Variants in TMEM181 observed in about 807,000 individuals in gnomAD.
TMEM181 encodes G protein-coupled receptor 178.
TMEM181 carries 39 observed loss-of-function variants against 71.9 expected under a neutral mutation model. That is an observed-to-expected ratio of 0.54 (90% CI 0.42 to 0.71). TMEM181 has a LOEUF of 0.71. Among genes scored for constraint, TMEM181 ranks in the 30% least tolerant of loss-of-function variants. The probability of loss-of-function intolerance (pLI) is 0.00; values close to 1 mark genes in which losing one functional copy is unlikely to be tolerated. For synonymous variants in TMEM181, 245 were observed against 228.8 expected (o/e 1.07, Z -0.64); for missense variants, 595 against 583.0 (o/e 1.02, Z -0.21).
chr6:158,625,575 T>G (rs1013137508), intron 12 of TMEM181, 128 bp from the exon 13 acceptor site: 5 of 841,528 alleles, frequency 5.9e-6, no homozygotes, highest in Non-Finnish European at 9.2e-6. Flanking sequence ...TGCTGGCGAC[T>G]CCGGCTAAGT....
chr6:158,629,653 G>A, intron 14 of TMEM181, 77 bp from the exon 15 acceptor site: 1 of 1,258,838 alleles, frequency 7.9e-7, no homozygotes, highest in Non-Finnish European at 1.1e-6. Flanking sequence ...GCTGATGGCG[G>A]GAGGAGTGGT....
intron 6 of TMEM181, among the ~76,000 whole-genome samples, chr6:158,591,398 C>T (rs1049733626): frequency 6.6e-6 from 1 of 152,106 alleles, no homozygotes. Flanking sequence ...TCGGGAGCCA[C>T]GTCACTAGTG....
intron 10 of TMEM181, among the ~76,000 whole-genome samples, chr6:158,611,980 C>CT (rs1562307835): frequency 2.1e-5 from 3 of 141,444 alleles, no homozygotes; most frequent in Admixed American, 7.4e-5. Context: ...AGGGATACCC[C>CT]CCCCACCTCC....
Position 158,536,761 on chromosome 6 carries a change from GC to G in TMEM181, c.32del (p.Pro11ArgfsTer61). ...TGGACGCCGAGTACCCTGCCTTTGA[GC>G]CCCCGCTCTGCAGCGAGCTCAAGCA... On this transcript the variant is annotated frameshift_variant, in exon 1 of 17. Coordinates refer to the TMEM181 transcript ENST00000367090. LOFTEE classifies it high-confidence loss of function. 6.3e-7 allele frequency: 1 copy of G among 1,577,024 alleles called. No homozygotes were observed.
rs1562316254 is a variant in TMEM181 at position 158,627,610 on chromosome 6, GCAC to G, written c.1110-796_1110-794del. Among the ~76,000 whole-genome samples, 46 of 152,122 alleles carry G rather than the reference GCAC, an allele frequency of 3.0e-4. 1 individual carries two copies. The East Asian group carries it at 7.0e-3, about 23-fold the overall frequency. ...TGGCTGCCCCAGGCCGCAGAACAGG[GCAC>G]CGGCAGCCTGGGTGGGCGTCAGCAT... On this transcript the variant is annotated intron_variant, in intron 13 of 16. Transcript: ENST00000684151.
intron 6 of TMEM181, among the ~76,000 whole-genome samples, chr6:158,598,618 G>A (rs1784508055): frequency 7.2e-6 from 1 of 138,108 alleles, no homozygotes; most frequent in Non-Finnish European, 1.5e-5. Flanking sequence ...TGGACAGTGC[G>A]TTTCATGTTT....
upstream of TMEM181, among the ~76,000 whole-genome samples, chr6:158,557,469 A>G (rs1781937125): frequency 6.6e-6 from 1 of 151,974 alleles, no homozygotes; most frequent in Non-Finnish European, 1.5e-5. Flanking sequence ...TAACATGATC[A>G]TAGCACCTTT....
chr6:158,570,661 T>C (rs1409298435), intron 1 of TMEM181, among the ~76,000 whole-genome samples: 2 of 152,158 alleles, frequency 1.3e-5, no homozygotes, highest in Non-Finnish European at 2.9e-5. Flanking sequence ...GAGACAGCGC[T>C]GCAGGCTCCA....
intron 1 of TMEM181, among the ~76,000 whole-genome samples, chr6:158,547,577 C>T (rs970084808): frequency 2.0e-4 from 30 of 152,222 alleles, no homozygotes; most frequent in African/African-American, 7.0e-4. Context: ...GACACAGGGT[C>T]TCCCCCCTCA....
intron 15 of TMEM181, among the ~76,000 whole-genome samples, chr6:158,630,621 T>C (rs1012307843): frequency 6.6e-6 from 1 of 152,124 alleles, no homozygotes; most frequent in Non-Finnish European, 1.5e-5. Flanking sequence ...TTGATGCGTT[T>C]TTGACTTCAC....
At chr6:158,606,596 T>A (rs553559517) in intron 7 of TMEM181, among the ~76,000 whole-genome samples, 1 of 152,202 alleles carries the variant, frequency 6.6e-6, no homozygotes, top group Non-Finnish European at 1.5e-5. Context: ...ACGAAAACAA[T>A]CAACAACAAA....
chr6:158,604,357 A>T (rs1054827689), intron 6 of TMEM181, among the ~76,000 whole-genome samples: 1 of 151,862 alleles, frequency 6.6e-6, no homozygotes, highest in Admixed American at 6.6e-5. Context: ...TGTGTGCGTG[A>T]TGTTTTAGGT....
chr6:158,565,177 C>G (rs762961168), intron 1 of TMEM181, among the ~76,000 whole-genome samples: 8 of 152,232 alleles, frequency 5.3e-5, no homozygotes, highest in Non-Finnish European at 1.2e-4. Flanking sequence ...CTCTGCTTAC[C>G]CGGATTGTAT....
intron 1 of TMEM181, among the ~76,000 whole-genome samples, chr6:158,544,100 C>G (rs1242769359): frequency 6.6e-6 from 1 of 151,918 alleles, no homozygotes; most frequent in East Asian, 1.9e-4. Context: ...ATCAGGGTGG[C>G]TCCGTCTCCC....
At chr6:158,571,160 C>A (rs1393608680) in intron 1 of TMEM181, among the ~76,000 whole-genome samples, 1 of 151,820 alleles carries the variant, frequency 6.6e-6, no homozygotes, top group East Asian at 1.9e-4. Flanking sequence ...GCAGTGGTGC[C>A]ATCTTGGCTC....
intron 1 of TMEM181, among the ~76,000 whole-genome samples, chr6:158,550,062 C>T (rs1271181196): frequency 1.3e-5 from 2 of 150,580 alleles, no homozygotes; most frequent in Non-Finnish European, 3.0e-5. Context: ...GATCAATCAT[C>T]CTGTAGTTAG....
chr6:158,620,216 CG>C lies in TMEM181; in HGVS notation c.897-3327del, dbSNP rs374671536. 4.8e-3 allele frequency among the ~76,000 whole-genome samples: 730 copies of C among 151,972 alleles called. 5 individuals carry two copies. Among genetic ancestry groups the C allele is most frequent in the African/African-American group, 0.016 (666 of 41,436 alleles). Reference sequence around the variant, plus strand: ...CCATGTGGGCTGGTGAGAGGAGGCCCGGGGGGGTCTATTTTTATTAGGCATC... The same window carrying C: ...CCATGTGGGCTGGTGAGAGGAGGCCCGGGGGGTCTATTTTTATTAGGCATC... On this transcript the variant is annotated intron_variant, in intron 10 of 16. Coordinates refer to ENST00000684151, the MANE Select transcript of TMEM181 (RefSeq NM_001376852.1). The surrounding 1 kb of genome is among the most constrained non-coding windows in gnomAD (Gnocchi z 4.5).
intron 10 of TMEM181, chr6:158,610,237 A>G (rs1411965514): frequency 3.9e-6 from 1 of 253,564 alleles, no homozygotes; most frequent in Non-Finnish European, 8.3e-6. Context: ...GGGGTGCCTT[A>G]AGGCTTGTAA....
intron 10 of TMEM181, chr6:158,610,631 G>A (rs964723580): frequency 1.5e-5 from 5 of 335,670 alleles, no homozygotes; most frequent in African/African-American, 8.7e-5. Context: ...CGAGCTTCTG[G>A]AGAAGTGAAA....
Sources: allele counts gnomAD v4.1 joint callset (sites outside exome capture counted in the v4.1 genomes callset), GRCh38; gene constraint gnomAD v4.1.1; non-coding constraint Gnocchi (gnomAD v3.1); transcripts MANE v1.5; gene names NCBI Gene and HGNC (gene_info 2026-07-23, HGNC 2026-07-21).